The following SCUBE2 variants were observed in gnomAD, a reference collection of about 807,000 sequenced individuals.
SCUBE2 encodes the protein signal peptide, CUB domain and EGF like domain containing 2.
Under a neutral mutation model 125.9 loss-of-function variants are expected in SCUBE2, and 114 were observed. That is an observed-to-expected ratio of 0.91 (90% CI 0.78 to 1.06). The LOEUF (loss-of-function observed/expected upper bound fraction) is 1.06. Ranked by LOEUF, SCUBE2 falls within the 50% of genes least tolerant of loss-of-function variation. SCUBE2 has a pLI of 0.00. For synonymous variants in SCUBE2, 459 were observed against 492.9 expected (o/e 0.93, Z 0.91); for missense variants, 1,255 against 1,301.8 (o/e 0.96, Z 0.55).
rs765398063 is a variant in SCUBE2 at position 9,079,512 on chromosome 11, G to C, written c.257-3C>G. ...CTCATTTCCACATTCATCGATGTCT[G>C]AGGAATAAAACAGAAGTAAACCAGA... On this transcript the variant is annotated splice_region_variant and splice_polypyrimidine_tract_variant and intron_variant, in intron 2 of 22. Coordinates refer to ENST00000649792, the MANE Select transcript of SCUBE2 (RefSeq NM_001367977.2). 1.2e-6 allele frequency: 2 copies of C among 1,613,402 alleles called. No individual in the cohort carries two copies. Among genetic ancestry groups the C allele is most frequent in the East Asian group, 2.2e-5 (1 of 44,868 alleles).
At chr11:9,089,919 C>T in intron 1 of SCUBE2, 90 bp from the exon 2 acceptor site, 1 of 1,471,650 alleles carries the variant, frequency 6.8e-7, no homozygotes, top group Admixed American at 2.0e-5. Flanking sequence ...CTCACCAGCC[C>T]ACCCCGCTTC....
intron 2 of SCUBE2, among the ~76,000 whole-genome samples, chr11:9,084,174 T>C (rs561147620): frequency 1.3e-4 from 20 of 152,238 alleles, no homozygotes; most frequent in Non-Finnish European, 2.2e-4. Flanking sequence ...TCCTCAAAAA[T>C]GTGACGTCAA....
chr11:9,088,031 A>G (rs1330545596), intron 2 of SCUBE2, among the ~76,000 whole-genome samples: 2 of 152,252 alleles, frequency 1.3e-5, no homozygotes, highest in Non-Finnish European at 2.9e-5. Flanking sequence ...AAGGATGTCT[A>G]TTCAGTGTCT....
intron 16 of SCUBE2, among the ~76,000 whole-genome samples, chr11:9,046,686 C>G (rs754639543): frequency 6.6e-6 from 1 of 152,176 alleles, no homozygotes; most frequent in Non-Finnish European, 1.5e-5. Flanking sequence ...AACAGATCAA[C>G]CAGCTGGGCT....
At chr11:9,088,595 A>T (rs1021117247) in intron 2 of SCUBE2, among the ~76,000 whole-genome samples, 3 of 152,218 alleles carry the variant, frequency 2.0e-5, no homozygotes, top group African/African-American at 7.2e-5. Context: ...GTAGCTTTAG[A>T]TCCTGCAAGT....
intron 2 of SCUBE2, among the ~76,000 whole-genome samples, chr11:9,081,441 CAG>C (rs1425750566): frequency 6.6e-6 from 1 of 152,146 alleles, no homozygotes; most frequent in Non-Finnish European, 1.5e-5. Context: ...TAGAATCAAA[CAG>C]TATTTGTCTT....
intron 13 of SCUBE2, 148 bp from the exon 14 acceptor site, chr11:9,050,858 G>C: frequency 1.5e-6 from 1 of 672,814 alleles, no homozygotes; most frequent in South Asian, 1.7e-5. Context: ...AGAGTGGCTT[G>C]GATCATGGAG....
At chr11:9,067,266 C>A (rs1193761482) in intron 5 of SCUBE2, among the ~76,000 whole-genome samples, 1 of 152,074 alleles carries the variant, frequency 6.6e-6, no homozygotes, top group East Asian at 1.9e-4. Flanking sequence ...CAGATTCAAT[C>A]TAGATTAGTT....
Position 9,079,405 on chromosome 11 carries a change from G to A in SCUBE2, c.361C>T (p.His121Tyr), listed in dbSNP as rs1861453564. 7 of 1,614,066 alleles carry A rather than the reference G, an allele frequency of 4.3e-6. No individual in the cohort carries two copies. In the East Asian group the frequency reaches 1.3e-4, roughly 31 times the overall value. The change falls in exon 3 of 23, where the codon CAT (histidine) becomes TAT (tyrosine). Residue 121 changes from histidine to tyrosine, a missense_variant. His to Tyr is a moderately conservative substitution (Grantham distance 83). This residue lies in a region of SCUBE2 where 362 missense variants were observed against 323.0 expected (regional missense o/e 1.12). Transcript: ENST00000649792. ...TTACCAAGACAATTATGACCGTCAT[G>A]AGCCAACATGAAGCCATCAAAACAA... is the stretch of plus-strand genomic sequence containing the variant. ...CTCFDGFMLA[H>Y]DGHNCLDVDE...
At chr11:9,025,674 C>T in intron 21 of SCUBE2, 28 bp downstream of exon 21, 2 of 1,612,790 alleles carry the variant, frequency 1.2e-6, no homozygotes, top group Non-Finnish European at 8.5e-7. Context: ...CAGAGACGCT[C>T]TTTCCATGTG....
At chr11:9,039,955 A>G (rs1857063936) in intron 16 of SCUBE2, among the ~76,000 whole-genome samples, 1 of 152,254 alleles carries the variant, frequency 6.6e-6, no homozygotes, top group South Asian at 2.1e-4. Context: ...ATTCCCGGAA[A>G]GAACACCCGA....
At chr11:9,049,268 G>C (rs1197253696) in intron 14 of SCUBE2, among the ~76,000 whole-genome samples, 1 of 151,944 alleles carries the variant, frequency 6.6e-6, no homozygotes, top group Non-Finnish European at 1.5e-5. Flanking sequence ...TTTTGAGACA[G>C]GGTCTCGCTC....
At chr11:9,023,619 C>T (rs1050394785) in intron 21 of SCUBE2, among the ~76,000 whole-genome samples, 2 of 152,190 alleles carry the variant, frequency 1.3e-5, no homozygotes, top group Admixed American at 6.5e-5. Flanking sequence ...TGCTCCAACT[C>T]ATTAGAAACG....
At chr11:9,038,870 T>TTTTTCTTTTC (rs145817950) in intron 16 of SCUBE2, among the ~76,000 whole-genome samples, 2,544 of 151,276 alleles carry the variant, frequency 0.017, 32 homozygotes, top group Middle Eastern at 0.031. Context: ...CTGATTTATG[T>TTTTTCTTTTC]TTTTCTTTTC....
At chr11:9,024,057 T>C (rs1589984528) in intron 21 of SCUBE2, 1 of 269,816 alleles carries the variant, frequency 3.7e-6, no homozygotes, top group African/African-American at 2.3e-5. Context: ...GTGGGGAAAA[T>C]AGCAGTTTCC....
intron 16 of SCUBE2, among the ~76,000 whole-genome samples, chr11:9,046,139 TG>T (rs1384484903): frequency 1.1e-4 from 16 of 151,542 alleles, no homozygotes; most frequent in Non-Finnish European, 1.3e-4. Flanking sequence ...CCCGAATAGC[TG>T]GGAGTATAGG....
chr11:9,041,878 T>C (rs1290149093), intron 16 of SCUBE2, among the ~76,000 whole-genome samples: 2 of 152,102 alleles, frequency 1.3e-5, no homozygotes, highest in African/African-American at 2.4e-5. Flanking sequence ...AGAAGAATTC[T>C]GAGATGGGAG....
intron 11 of SCUBE2, 121 bp downstream of exon 11, chr11:9,053,509 CAGTTGCT>C: frequency 9.3e-7 from 1 of 1,070,198 alleles, no homozygotes; most frequent in Non-Finnish European, 1.4e-6. Context: ...ATTTAAAGAA[CAGTTGCT>C]GCAGCTGGTG....
intron 2 of SCUBE2, among the ~76,000 whole-genome samples, chr11:9,087,928 T>C (rs992211335): frequency 3.3e-5 from 5 of 152,204 alleles, no homozygotes; most frequent in African/African-American, 9.7e-5. Context: ...TATCTAGATA[T>C]TTCATTTGTG....
Sources: gnomAD v4.1 joint callset for allele counts (sites outside exome capture counted in the v4.1 genomes callset) on GRCh38, gnomAD v4.1.1 for gene constraint, gnomAD v4.1.1 regional missense constraint, MANE v1.5 for transcripts, NCBI Gene and HGNC (gene_info 2026-07-23, HGNC 2026-07-21) for gene names.